Variants in DNAH6 observed in about 807,000 individuals in gnomAD.
DNAH6 encodes dynein axonemal heavy chain 6.
Under a neutral mutation model 491.4 loss-of-function variants are expected in DNAH6, and 340 were observed. The observed-to-expected ratio is 0.69, with a 90% CI of 0.63 to 0.76. The LOEUF (loss-of-function observed/expected upper bound fraction) is 0.76. Among genes scored for constraint, DNAH6 ranks in the 30% least tolerant of loss-of-function variants. DNAH6 has a pLI of 0.00. For missense variants in DNAH6, 4,443 were observed against 4,972.2 expected (o/e 0.89, Z 3.20); for synonymous variants, 1,603 against 1,686.1 (o/e 0.95, Z 1.21).
Position 84,579,512 on chromosome 2 carries a change from G to A in DNAH6, c.2077-15G>A. ...TATTCGACTATTTACAATTCACACG[G>A]TGTTTCTTTCTTAGGTGCTAAATTT... is the stretch of plus-strand genomic sequence containing the variant. On this transcript the variant is annotated splice_polypyrimidine_tract_variant and intron_variant, in intron 13 of 76. Transcript: ENST00000389394. 2 of 1,612,458 alleles carry A rather than the reference G, an allele frequency of 1.2e-6. No homozygotes were observed. The highest frequency in any genetic ancestry group is 8.5e-7 in the Non-Finnish European group (1 of 1,179,128).
intron 61 of DNAH6, among the ~76,000 whole-genome samples, chr2:84,729,168 C>T (rs1698917933): frequency 6.6e-6 from 1 of 152,172 alleles, no homozygotes; most frequent in African/African-American, 2.4e-5. Flanking sequence ...AATCACAGTT[C>T]ATATTTACAG....
At chr2:84,797,029 A>G (rs1678420183) in intron 69 of DNAH6, among the ~76,000 whole-genome samples, 2 of 151,720 alleles carry the variant, frequency 1.3e-5, no homozygotes, top group African/African-American at 2.4e-5. Context: ...CAAGCTCATA[A>G]AAGCTCCTAC....
chr2:84,580,241 A>C (rs868267329), intron 14 of DNAH6, among the ~76,000 whole-genome samples: 1 of 152,106 alleles, frequency 6.6e-6, no homozygotes, highest in Non-Finnish European at 1.5e-5. Flanking sequence ...GGGAGAAAAA[A>C]GTGGATATGG....
In DNAH6 at chr2:84,584,039, T is replaced by C. The variant is rs748728886; in HGVS notation, c.2270T>C (p.Met757Thr). 5.6e-6 allele frequency: 9 copies of C among 1,614,074 alleles called. No individual in the cohort carries two copies. The African/African-American group carries it at 8.0e-5, about 14-fold the overall frequency. The change falls in exon 15 of 77, where the codon ATG becomes ACG. Residue 757 changes from methionine to threonine, a missense_variant. This residue lies in a region of DNAH6 where 2,977 missense variants were observed against 3,296.6 expected (regional missense o/e 0.90). Coordinates refer to ENST00000389394, the MANE Select transcript of DNAH6 (RefSeq NM_001370.2). ...GATGAGGGGAATATAGTGACTCAAA[T>C]GTACAAGCTTATGGAACAATATCAG... ...LEDEGNIVTQ[M>T]YKLMEQYQVP...
Position 84,640,681 on chromosome 2 carries a change from T to G in DNAH6, c.4970+103T>G, listed in dbSNP as rs553516207. The G allele has an allele frequency of 3.6e-6, 4 of 1,123,676 alleles. No homozygotes were observed. The African/African-American group carries it at 6.3e-5, about 18-fold the overall frequency. The allele number at this position is 1,123,676 out of a possible 1,614,324, so 69.6% of individuals were successfully genotyped here. ...TCTCAGAGAGTAACTGATTAATAAA[T>G]GTTGGCTGCTGCTGTTGTCATCATT... On this transcript the variant is annotated intron_variant, in intron 32 of 76. Coordinates refer to ENST00000389394, the MANE Select transcript of DNAH6 (RefSeq NM_001370.2).
At chr2:84,542,587 A>C (rs1396306357) in intron 4 of DNAH6, among the ~76,000 whole-genome samples, 3 of 151,986 alleles carry the variant, frequency 2.0e-5, no homozygotes, top group Non-Finnish European at 4.4e-5. Context: ...AGCCCCCCAC[A>C]TCTCCTTGCA....
chr2:84,496,337 A>T, the DNAH6 span, among the ~76,000 whole-genome samples: 1 of 152,234 alleles, frequency 6.6e-6, no homozygotes, highest in Non-Finnish European at 1.5e-5. Context: ...AGCAAAGGGC[A>T]TCACATAAAA....
At chr2:84,592,061 A>G (rs919852371) in intron 16 of DNAH6, among the ~76,000 whole-genome samples, 8 of 152,190 alleles carry the variant, frequency 5.3e-5, no homozygotes. Context: ...ACCAAAAACC[A>G]ATGTAACAAA....
intron 64 of DNAH6, among the ~76,000 whole-genome samples, chr2:84,765,106 A>G (rs1305684814): frequency 6.6e-6 from 1 of 152,178 alleles, no homozygotes; most frequent in African/African-American, 2.4e-5. Flanking sequence ...TTCAAGAAGT[A>G]GAATAAAATA....
chr2:84,567,200 A>G (rs1373981920), intron 11 of DNAH6, among the ~76,000 whole-genome samples: 1 of 152,154 alleles, frequency 6.6e-6, no homozygotes, highest in South Asian at 2.1e-4. Flanking sequence ...TGTATTACAT[A>G]TTATAGCTGA....
chr2:84,723,151 C>T (rs111574525), intron 60 of DNAH6, among the ~76,000 whole-genome samples: 2,111 of 152,116 alleles, frequency 0.014, 44 homozygotes, highest in African/African-American at 0.048. Context: ...TTGCTTAAAC[C>T]CAGGAGGTGG....
rs1357234401 is a variant in DNAH6 at position 84,658,323 on chromosome 2, A to G, written c.5789A>G (p.Asn1930Ser). 1.9e-6 allele frequency: 3 copies of G among 1,541,344 alleles called. No homozygotes were observed. The Admixed American group carries it at 6.1e-5, about 31-fold the overall frequency. ...GAGGAAACCCAAGAATATATATTGA[A>G]TCTTTTCCAACGTTATGTTGATGAA... ...LTEETQEYIL[N>S]LFQRYVDEGL... The change falls in exon 36 of 77, where the codon AAT (asparagine) becomes AGT (serine). Residue 1930 changes from asparagine (N) to serine (S), a missense_variant. This residue lies in a region of DNAH6 where 2,977 missense variants were observed against 3,296.6 expected (regional missense o/e 0.90). Coordinates refer to ENST00000389394, the MANE Select transcript of DNAH6 (RefSeq NM_001370.2).
chr2:84,805,898 T>G, intron 71 of DNAH6, 104 bp downstream of exon 71: 1 of 1,050,788 alleles, frequency 9.5e-7, no homozygotes, highest in Non-Finnish European at 1.3e-6. Flanking sequence ...ATGTAGACTT[T>G]TTTTAACCTA....
Position 84,539,808 on chromosome 2 carries a change from T to TA in DNAH6, c.663-4418dup, listed in dbSNP as rs563472921. 1.5e-4 allele frequency among the ~76,000 whole-genome samples: 23 copies of TA among 152,130 alleles called. 2 individuals are homozygous for TA. The South Asian group carries it at 3.9e-3, about 26-fold the overall frequency. ...TTTTGCTTTTGTTTAATTTTCCAGG[T>TA]AAAAAAAGAGTTCTTTACCAGATAT... On this transcript the variant is annotated intron_variant, in intron 4 of 76. Transcript: ENST00000389394.
intron 2 of DNAH6, among the ~76,000 whole-genome samples, chr2:84,521,912 C>T (rs747663122): frequency 1.3e-5 from 2 of 152,078 alleles, no homozygotes; most frequent in Non-Finnish European, 2.9e-5. Flanking sequence ...AACATGATGC[C>T]TCCAGTGTTC....
At chr2:84,460,217 G>A in the DNAH6 span, among the ~76,000 whole-genome samples, 1 of 152,208 alleles carries the variant, frequency 6.6e-6, no homozygotes, top group Non-Finnish European at 1.5e-5. Context: ...TGAGCTGTGG[G>A]ATGGATGAGT....
chr2:84,512,287 G>C (rs770016741), upstream of DNAH6, among the ~76,000 whole-genome samples: 1 of 152,154 alleles, frequency 6.6e-6, no homozygotes, highest in Non-Finnish European at 1.5e-5. Flanking sequence ...TGAGAGGCCA[G>C]TGGCATCTGG....
the DNAH6 span, among the ~76,000 whole-genome samples, chr2:84,498,515 A>T: frequency 4.7e-4 from 66 of 141,152 alleles, 1 homozygote; most frequent in East Asian, 6.3e-3. Flanking sequence ...AAAAAAAAAA[A>T]TTTGAGAAGT....
intron 37 of DNAH6, among the ~76,000 whole-genome samples, chr2:84,664,350 AC>A (rs1558874267): frequency 6.6e-6 from 1 of 152,120 alleles, no homozygotes; most frequent in South Asian, 2.1e-4. Flanking sequence ...TATTCAGGAG[AC>A]CCATCTCACG....
Sources: allele counts gnomAD v4.1 joint callset (sites outside exome capture counted in the v4.1 genomes callset), GRCh38; gene constraint gnomAD v4.1.1; regional missense constraint gnomAD v4.1.1; transcripts MANE v1.5; gene names NCBI Gene and HGNC (gene_info 2026-07-23, HGNC 2026-07-21).